PLXDC2: variants seen among roughly 807,000 people sequenced by gnomAD.
PLXDC2 encodes the protein plexin domain containing 2, also known as plexin domain-containing protein 2.
PLXDC2 carries 40 observed loss-of-function variants against 68.9 expected under a neutral mutation model. The observed-to-expected ratio is 0.58, with a 90% CI of 0.45 to 0.76. The LOEUF (loss-of-function observed/expected upper bound fraction) is 0.76. PLXDC2 is among the 30% of genes least tolerant of loss of function. The pLI, the probability that PLXDC2 is intolerant of heterozygous loss-of-function variation, is 0.00. For synonymous variants in PLXDC2, 243 were observed against 234.2 expected, an observed-to-expected ratio of 1.04 and a Z score of -0.34; for missense variants, 644 against 661.9, an observed-to-expected ratio of 0.97 and a Z score of 0.30.
intron 1 of PLXDC2, among the ~76,000 whole-genome samples, chr10:19,844,047 C>T (rs575765618): frequency 9.2e-5 from 14 of 151,950 alleles, no homozygotes; most frequent in African/African-American, 2.7e-4. Context: ...TCTGCAAATA[C>T]GTAAAATATT....
At chr10:20,087,146 C>G (rs1490268313) in intron 4 of PLXDC2, among the ~76,000 whole-genome samples, 1 of 152,170 alleles carries the variant, frequency 6.6e-6, no homozygotes, top group Non-Finnish European at 1.5e-5. Flanking sequence ...AATGCATGGC[C>G]TGTCTTTCCT....
At chr10:19,840,939 A>C (rs1466207393) in intron 1 of PLXDC2, among the ~76,000 whole-genome samples, 1 of 152,190 alleles carries the variant, frequency 6.6e-6, no homozygotes, top group African/African-American at 2.4e-5. Context: ...AAGCAATTAC[A>C]CTAATAACAA....
intron 12 of PLXDC2, among the ~76,000 whole-genome samples, chr10:20,231,733 G>T (rs1835367459): frequency 6.6e-6 from 1 of 152,074 alleles, no homozygotes; most frequent in Admixed American, 6.5e-5. Context: ...TCAAAGCCTG[G>T]AGCTGGGCAC....
chr10:20,219,096 A>G lies in PLXDC2; in HGVS notation c.1306A>G (p.Asn436Asp). The G allele has an allele frequency of 1.2e-6, 2 of 1,606,102 alleles. No individual in the cohort carries two copies. Among genetic ancestry groups the G allele is most frequent in the Non-Finnish European group, 1.7e-6 (2 of 1,175,986 alleles). The stretch of plus-strand genomic sequence containing the variant: ...CAAGATAGCACTACATCTAAAAGAT[A>G]ATGGAGGTAGGAATTGATACTTTTC... ...DTKIALHLKD[N>D]GASTDDSAAE... The change falls in exon 12 of 14, where the codon AAT becomes GAT. Residue 436 changes from asparagine (N) to aspartate (D), a missense_variant. By Grantham distance (23) the Asn-to-Asp change is conservative. This residue lies in a region of PLXDC2 where 330 missense variants were observed against 327.9 expected (regional missense o/e 1.01). Transcript: ENST00000377252.
At chr10:19,850,489 T>C in intron 1 of PLXDC2, among the ~76,000 whole-genome samples, 1 of 152,120 alleles carries the variant, frequency 6.6e-6, no homozygotes, top group East Asian at 1.9e-4. Context: ...GGCATTATAA[T>C]TAAAAGGCAA....
intron 1 of PLXDC2, among the ~76,000 whole-genome samples, chr10:19,926,000 G>A (rs1474045260): frequency 6.6e-6 from 1 of 152,178 alleles, no homozygotes; most frequent in Non-Finnish European, 1.5e-5. Context: ...TCCACATGGA[G>A]GCATTAGGCA....
intron 1 of PLXDC2, among the ~76,000 whole-genome samples, chr10:19,916,710 T>G (rs1833373448): frequency 1.3e-5 from 2 of 152,162 alleles, no homozygotes. Context: ...AGAGCTGCAG[T>G]GAACTCAAAC....
intron 9 of PLXDC2, among the ~76,000 whole-genome samples, chr10:20,208,978 C>G (rs970776602): frequency 6.6e-6 from 1 of 152,032 alleles, no homozygotes; most frequent in Admixed American, 6.6e-5. Context: ...ACAGAGATCA[C>G]ATGCTTCAGA....
chr10:20,013,589 C>A (rs1337745457), intron 2 of PLXDC2, among the ~76,000 whole-genome samples: 3 of 152,062 alleles, frequency 2.0e-5, no homozygotes, highest in Admixed American at 2.0e-4. Flanking sequence ...GAATGGAAAT[C>A]TTTACTAGTT....
intron 12 of PLXDC2, among the ~76,000 whole-genome samples, chr10:20,244,005 G>C (rs1835554795): frequency 6.6e-6 from 1 of 151,280 alleles, no homozygotes; most frequent in African/African-American, 2.4e-5. Flanking sequence ...GTTGCAGTGA[G>C]CCGAGATCAC....
At chr10:20,070,325 T>C (rs1836294316) in intron 4 of PLXDC2, among the ~76,000 whole-genome samples, 1 of 152,140 alleles carries the variant, frequency 6.6e-6, no homozygotes, top group African/African-American at 2.4e-5. Flanking sequence ...GTGTGAAAAA[T>C]ATTGAAGCCC....
At chr10:20,092,837 G>A (rs1190065569) in intron 4 of PLXDC2, among the ~76,000 whole-genome samples, 21 of 151,862 alleles carry the variant, frequency 1.4e-4, no homozygotes, top group Admixed American at 1.1e-3. Flanking sequence ...ATGCAACCAC[G>A]GGGAAAGAGA....
At chr10:20,100,952 T>C (rs1041982641) in intron 4 of PLXDC2, among the ~76,000 whole-genome samples, 1 of 152,190 alleles carries the variant, frequency 6.6e-6, no homozygotes, top group African/African-American at 2.4e-5. Flanking sequence ...CACCATATTA[T>C]ATTGTATGTT....
At chr10:19,932,125 A>G (rs927827) in intron 1 of PLXDC2, among the ~76,000 whole-genome samples, 8,659 of 152,264 alleles carry the variant, frequency 0.057, 281 homozygotes, top group African/African-American at 0.08. Flanking sequence ...CCCTTCCTGC[A>G]TTGTTGCAGT....
At chr10:20,241,640 A>T (rs2119327193) in intron 12 of PLXDC2, among the ~76,000 whole-genome samples, 1 of 152,014 alleles carries the variant, frequency 6.6e-6, no homozygotes, top group Non-Finnish European at 1.5e-5. Flanking sequence ...TTAACCAGGC[A>T]TGGTGGCACA....
chr10:20,230,998 T>C (rs987367258), intron 12 of PLXDC2, among the ~76,000 whole-genome samples: 4 of 151,440 alleles, frequency 2.6e-5, no homozygotes, highest in Non-Finnish European at 5.9e-5. Flanking sequence ...ATAATGTCTA[T>C]TGATAAGAAA....
intron 5 of PLXDC2, among the ~76,000 whole-genome samples, chr10:20,146,324 CTCT>C (rs1834076748): frequency 1.3e-5 from 2 of 150,486 alleles, no homozygotes; most frequent in South Asian, 4.2e-4. Flanking sequence ...TTTTTGTTTT[CTCT>C]TCTTTTCTTT....
rs577529234 is a variant in PLXDC2 at position 19,900,489 on chromosome 10, C to A, written c.112+83298C>A. On this transcript the variant is annotated intron_variant, in intron 1 of 13. Transcript: ENST00000377252. ...ACTTTAGGTGAGGAAAAAAAGCAAA[C>A]ACTGTGCAGTATTTCTTCAGGATGA... Among the ~76,000 whole-genome samples, 777 of 152,204 alleles carry A rather than the reference C, an allele frequency of 5.1e-3. 3 individuals carry two copies. The highest frequency in any genetic ancestry group is 0.017 in the African/African-American group (725 of 41,512).
intron 4 of PLXDC2, among the ~76,000 whole-genome samples, chr10:20,095,043 A>G (rs1375953020): frequency 6.6e-6 from 1 of 152,234 alleles, no homozygotes; most frequent in Admixed American, 6.5e-5. Context: ...CCGCACATGT[A>G]ATTTTAAAAA....
Sources: gnomAD v4.1 joint callset for allele counts (sites outside exome capture counted in the v4.1 genomes callset) on GRCh38, gnomAD v4.1.1 for gene constraint, gnomAD v4.1.1 regional missense constraint, MANE v1.5 for transcripts, NCBI Gene and HGNC (gene_info 2026-07-23, HGNC 2026-07-21) for gene names.